ZNF292: variants seen among roughly 807,000 people sequenced by gnomAD.
The protein encoded by ZNF292 is 16 zinc-finger domain protein.
In ZNF292, 26 loss-of-function variants were observed where a neutral mutation model predicts 217.9. The observed-to-expected ratio is 0.12, with a 90% CI of 0.09 to 0.17. ZNF292 has a LOEUF of 0.17. Ranked by LOEUF, ZNF292 falls within the 10% of genes least tolerant of loss-of-function variation. The pLI is 1.00. For synonymous variants in ZNF292, 1,257 were observed against 1,124.1 expected, an observed-to-expected ratio of 1.12 and a Z score of -2.37; for missense variants, 2,904 against 3,175.2, an observed-to-expected ratio of 0.91 and a Z score of 2.05.
At chr6:87,239,579 C>T (rs978967640) in intron 5 of ZNF292, among the ~76,000 whole-genome samples, 5 of 145,964 alleles carry the variant, frequency 3.4e-5, no homozygotes, top group Admixed American at 6.8e-5. Context: ...GGAGACGCTC[C>T]TCACTTCCCA....
chr6:87,206,486 C>T (rs1452178928), intron 1 of ZNF292, among the ~76,000 whole-genome samples: 1 of 151,970 alleles, frequency 6.6e-6, no homozygotes, highest in Non-Finnish European at 1.5e-5. Flanking sequence ...TAAGAGTTAG[C>T]CAGTATTATG....
intron 1 of ZNF292, chr6:87,170,324 T>C (rs1263615469): frequency 6.6e-6 from 1 of 152,190 alleles, no homozygotes; most frequent in Non-Finnish European, 1.5e-5. Flanking sequence ...ATAGTGCACA[T>C]TGCATAAAAT....
rs766646283 is a variant in ZNF292, at chr6:87,256,589, A to G, written c.2960A>G (p.Gln987Arg). ...AATGATTTGTGTCATCCAGGTTTCCAGGAGAGAAAAGAACAAGATTGCTTT... is the reference window on the plus strand; with the variant it reads ...AATGATTTGTGTCATCCAGGTTTCCGGGAGAGAAAAGAACAAGATTGCTTT... ...TCNDLCHPGFQERKEQDCFND... is the reference protein window; with the variant it reads ...TCNDLCHPGFRERKEQDCFND... The change falls in exon 8 of 8, where the codon CAG becomes CGG. Residue 987 changes from glutamine (Q) to arginine (R), a missense_variant. Coordinates refer to ENST00000369577, the MANE Select transcript of ZNF292 (RefSeq NM_015021.3). 3.8e-5 allele frequency: 61 copies of G among 1,613,568 alleles called. No homozygotes were observed. Among genetic ancestry groups the G allele is most frequent in the Non-Finnish European group, 4.7e-5 (55 of 1,179,836 alleles).
At chr6:87,159,260 G>GC (rs776820805) in intron 1 of ZNF292, among the ~76,000 whole-genome samples, 4 of 151,900 alleles carry the variant, frequency 2.6e-5, no homozygotes, top group Admixed American at 1.3e-4. Flanking sequence ...TAAGCCACCT[G>GC]CCCCCCCTTT....
Position 87,260,865 on chromosome 6 carries a change from A to G in ZNF292, c.7236A>G (p.Leu2412=). Residue 2412 remains leucine (L), a synonymous_variant, in exon 8 of 8, where the codon TTA becomes TTG. Coordinates refer to ENST00000369577, the MANE Select transcript of ZNF292 (RefSeq NM_015021.3). ...NIIRHYKCHK[L]SKAFTSQHRN... Reference sequence around the variant, plus strand: ...TTAGACATTATAAGTGCCATAAATTATCTAAGGCATTTACATCACAACACC... The same window carrying G: ...TTAGACATTATAAGTGCCATAAATTGTCTAAGGCATTTACATCACAACACC... The G allele has an allele frequency of 6.2e-7, 1 of 1,610,722 alleles. No homozygotes were observed. The highest frequency in any genetic ancestry group is 8.5e-7 in the Non-Finnish European group (1 of 1,178,256).
At chr6:87,196,040 AC>A (rs1771946199) in intron 1 of ZNF292, among the ~76,000 whole-genome samples, 2 of 151,838 alleles carry the variant, frequency 1.3e-5, no homozygotes, top group Admixed American at 1.3e-4. Flanking sequence ...AAAAAAAAAA[AC>A]AAAAAGAAAA....
At chr6:87,161,057 GATA>G (rs1414790957) in intron 1 of ZNF292, among the ~76,000 whole-genome samples, 1 of 152,030 alleles carries the variant, frequency 6.6e-6, no homozygotes, top group African/African-American at 2.4e-5. Flanking sequence ...CCAGGTAAAT[GATA>G]TTCAACAATA....
chr6:87,242,676 T>C (rs550436328), intron 5 of ZNF292, among the ~76,000 whole-genome samples: 4 of 152,364 alleles, frequency 2.6e-5, no homozygotes, highest in African/African-American at 9.6e-5. Flanking sequence ...TAATTTGTGA[T>C]TGTATGCTGT....
chr6:87,234,235 G>A (rs955317002), intron 5 of ZNF292, among the ~76,000 whole-genome samples: 26 of 152,142 alleles, frequency 1.7e-4, no homozygotes, highest in African/African-American at 6.3e-4. Flanking sequence ...AAGAAACAGG[G>A]CGTGTATATT....
intron 1 of ZNF292, among the ~76,000 whole-genome samples, chr6:87,164,939 T>TC (rs1356927021): frequency 2.6e-5 from 4 of 151,442 alleles, no homozygotes; most frequent in Non-Finnish European, 5.9e-5. Flanking sequence ...ATTTTTTTTT[T>TC]TTTTGGTAAG....
intron 1 of ZNF292, among the ~76,000 whole-genome samples, chr6:87,207,713 T>C (rs1772305147): frequency 6.6e-6 from 1 of 152,180 alleles, no homozygotes; most frequent in African/African-American, 2.4e-5. Context: ...TTTCTGTGTG[T>C]TTATCACCAA....
Position 87,261,340 on chromosome 6 carries a change from A to C in ZNF292, c.7711A>C (p.Ile2571Leu). The C allele has an allele frequency of 6.2e-7, 1 of 1,613,400 alleles. No individual in the cohort carries two copies. Among genetic ancestry groups the C allele is most frequent in the Non-Finnish European group, 8.5e-7 (1 of 1,179,622 alleles). The change falls in exon 8 of 8, where the codon ATT (isoleucine) becomes CTT (leucine). Residue 2571 changes from isoleucine (I) to leucine (L), a missense_variant. Coordinates refer to ENST00000369577, the MANE Select transcript of ZNF292 (RefSeq NM_015021.3). Reference protein sequence around the residue: ...VRKEEETAVAIQTIEEHPASF... With the variant: ...VRKEEETAVALQTIEEHPASF... ...TAAAGAAGAAGAAACTGCTGTTGCC[A>C]TTCAAACCATTGAGGAGCATCCTGC...
intron 1 of ZNF292, among the ~76,000 whole-genome samples, chr6:87,177,594 T>A (rs1226107602): frequency 2.0e-5 from 3 of 152,230 alleles, no homozygotes. Flanking sequence ...GATTATTAGT[T>A]ATCCTTCCAA....
chr6:87,208,778 G>A (rs1772353739), intron 1 of ZNF292, among the ~76,000 whole-genome samples: 1 of 152,142 alleles, frequency 6.6e-6, no homozygotes, highest in South Asian at 2.1e-4. Flanking sequence ...TTCAGTCCCT[G>A]ATGAAGGCTT....
intron 1 of ZNF292, among the ~76,000 whole-genome samples, chr6:87,166,610 C>A (rs1770924886): frequency 6.6e-6 from 1 of 152,200 alleles, no homozygotes; most frequent in South Asian, 2.1e-4. Context: ...CTCTGGTCTG[C>A]ACTTGCTCTG....
chr6:87,216,627 C>T (rs1772794373), intron 3 of ZNF292, among the ~76,000 whole-genome samples: 1 of 151,906 alleles, frequency 6.6e-6, no homozygotes, highest in South Asian at 2.1e-4. Context: ...AGCAAGGGAA[C>T]ACAAAAGAAA....
chr6:87,188,962 T>C (rs1300764127), intron 1 of ZNF292, among the ~76,000 whole-genome samples: 1 of 152,050 alleles, frequency 6.6e-6, no homozygotes, highest in Non-Finnish European at 1.5e-5. Flanking sequence ...CCCAGCACTT[T>C]GGGAGGCCGA....
At position 87,209,954 on chromosome 6, in the gene ZNF292, T is replaced by C. The variant is rs190540762; in HGVS notation, c.169-5949T>C. On this transcript the variant is annotated intron_variant, in intron 1 of 7. Transcript: ENST00000369577. ...GTAAATTGGAAGTGGAACATGAATG[T>C]AATAATATAACCATAACCAACACTC... Among the ~76,000 whole-genome samples the C allele has an allele frequency of 2.0e-5, 3 of 152,332 alleles. No individual in the cohort carries two copies. In the East Asian group the frequency reaches 5.8e-4, roughly 29 times the overall value.
At position 87,233,433 on chromosome 6, in the gene ZNF292, C is replaced by T. The variant is rs1187799314; in HGVS notation, c.647C>T (p.Ser216Phe). The T allele has an allele frequency of 1.9e-5, 30 of 1,613,498 alleles. No homozygotes were observed. Among genetic ancestry groups the T allele is most frequent in the Non-Finnish European group, 2.5e-5 (30 of 1,179,696 alleles). The change falls in exon 5 of 8, where the codon TCT becomes TTT. Residue 216 changes from serine to phenylalanine, a missense_variant. This residue lies in a region of ZNF292 where 313 missense variants were observed against 451.0 expected (regional missense o/e 0.69). Transcript: ENST00000369577. ...SQATALAKLCSDHPEIGIKGS... is the reference protein window; with the variant it reads ...SQATALAKLCFDHPEIGIKGS... ...GCAACTGCTCTAGCAAAGCTGTGTT[C>T]TGACCATCCAGAGATTGGCATAAAA... is the stretch of plus-strand genomic sequence containing the variant.
Sources: allele counts gnomAD v4.1 joint callset (sites outside exome capture counted in the v4.1 genomes callset), GRCh38; gene constraint gnomAD v4.1.1; regional missense constraint gnomAD v4.1.1; transcripts MANE v1.5; gene names NCBI Gene and HGNC (gene_info 2026-07-23, HGNC 2026-07-21).